The following ZDHHC11B variants were observed in gnomAD, a reference collection of about 807,000 sequenced individuals.
ZDHHC11B encodes the protein probable palmitoyltransferase ZDHHC11B.
Under a neutral mutation model 42.3 loss-of-function variants are expected in ZDHHC11B, and 17 were observed. The observed-to-expected ratio is 0.40, with a 90% confidence interval of 0.27 to 0.60. The LOEUF (loss-of-function observed/expected upper bound fraction) is 0.60, where lower values mean the gene tolerates loss of function less well. Among genes scored for constraint, ZDHHC11B ranks in the 20% least tolerant of loss-of-function variants. The pLI is 0.41. For missense variants in ZDHHC11B, 262 were observed against 463.2 expected (o/e 0.57, Z 3.99); for synonymous variants, 123 against 193.5 (o/e 0.64, Z 3.02).
At position 719,586 on chromosome 5, in the gene ZDHHC11B, G is replaced by C. The variant is rs532490356; in HGVS notation, c.1059-2721C>G. 2.5e-4 allele frequency among the ~76,000 whole-genome samples: 37 copies of C among 150,452 alleles called. 1 individual carries two copies. Among genetic ancestry groups the C allele is most frequent in the African/African-American group, 8.3e-4 (34 of 40,746 alleles). ...TCTGAGCAAGCAGAAGAAAGGATCA[G>C]CTAACTTGAAGACAACCGAAATTAT... On this transcript the variant is annotated intron_variant, in intron 12 of 13. Coordinates refer to ENST00000508859, the MANE Select transcript of ZDHHC11B (RefSeq NM_001351303.2).
rs188545782 is a variant in ZDHHC11B at position 764,674 on chromosome 5, T to C, written c.222+2024A>G. On this transcript the variant is annotated intron_variant, in intron 4 of 13. Transcript: ENST00000508859. ...CATGGGCTCCTGCGCAGCCCGAGCC[T>C]CCCCAGTGAGCACCGTCCCCTGCTC... Among the ~76,000 whole-genome samples the C allele has an allele frequency of 4.1e-4, 63 of 151,894 alleles. 2 individuals are homozygous for C. In the East Asian group the frequency reaches 0.011, roughly 27 times the overall value.
chr5:742,489 A>ATT (rs1459357303), intron 9 of ZDHHC11B, among the ~76,000 whole-genome samples: 1 of 39,686 alleles, frequency 2.5e-5, no homozygotes. Flanking sequence ...CTTCACAGAA[A>ATT]CTGTTTTTTC....
rs1360875506 is a variant in ZDHHC11B, at chr5:767,486, G to C, written c.-95C>G. ...AAGTCGCCAAATGCTGAATTATTCT[G>C]CATCGAAAGCGCAGTAGTGGCACTG... On this transcript the variant is annotated 5_prime_UTR_variant, in exon 3 of 14. Transcript: ENST00000508859. The C allele has an allele frequency of 6.6e-7, 1 of 1,524,790 alleles. No individual in the cohort carries two copies. The highest frequency in any genetic ancestry group is 9.0e-7 in the Non-Finnish European group (1 of 1,110,048). 94.5% of individuals were successfully genotyped at this position (1,524,790 alleles called of 1,614,324 possible). A position where few individuals can be genotyped will look rare whatever the true frequency, so the allele number is the denominator to read the frequency against.
intron 12 of ZDHHC11B, among the ~76,000 whole-genome samples, chr5:729,570 C>T (rs1742857852): frequency 6.6e-6 from 1 of 150,724 alleles, no homozygotes; most frequent in Non-Finnish European, 1.5e-5. Context: ...GTGCACATGC[C>T]TGTGTCTGTG....
In ZDHHC11B at chr5:727,227, C is replaced by T. The variant is rs779178183; in HGVS notation, c.1058+3207G>A. ...TGGAACTCTGGCGCTGCCCCCAGCA[C>T]GTTTCCGTGAAGGACGGAGCTTCTG... On this transcript the variant is annotated intron_variant, in intron 12 of 13. Transcript: ENST00000508859. Among the ~76,000 whole-genome samples the T allele has an allele frequency of 7.8e-3, 1,029 of 132,150 alleles. 43 individuals are homozygous for T. The highest frequency in any genetic ancestry group is 0.019 in the South Asian group (68 of 3,650). 86.7% of individuals were successfully genotyped at this position (132,150 alleles called of 152,430 possible).
intron 8 of ZDHHC11B, chr5:747,387 T>G (rs548596998): frequency 4.1e-5 from 6 of 146,704 alleles, no homozygotes; most frequent in African/African-American, 1.5e-4. Context: ...CCAGTGATTT[T>G]CATTGCACTT....
Position 758,826 on chromosome 5 carries a change from G to A in ZDHHC11B, c.223-2682C>T, listed in dbSNP as rs535250496. Among the ~76,000 whole-genome samples, 22 of 152,036 alleles carry A rather than the reference G, an allele frequency of 1.4e-4. 1 individual carries two copies. The South Asian group carries it at 3.1e-3, about 22-fold the overall frequency. On this transcript the variant is annotated intron_variant, in intron 4 of 13. Coordinates refer to ENST00000508859, the MANE Select transcript of ZDHHC11B (RefSeq NM_001351303.2). ...GGCCGCACTTTGGCCAGCGAGGTCC[G>A]CGCTCTGCGGGTGGGCTTGGGTCGT...
chr5:726,039 C>T (rs1212361095), intron 12 of ZDHHC11B, among the ~76,000 whole-genome samples: 1 of 141,010 alleles, frequency 7.1e-6, no homozygotes, highest in East Asian at 2.2e-4. Context: ...TTCATTCCAG[C>T]TGGTCAGCTA....
At chr5:767,234 G>A in intron 3 of ZDHHC11B, 158 bp downstream of exon 3, 2 of 953,458 alleles carry the variant, frequency 2.1e-6, no homozygotes, top group Non-Finnish European at 3.1e-6. Context: ...TGGCAGACCT[G>A]GGTGGATGAC....
intron 1 of ZDHHC11B, among the ~76,000 whole-genome samples, chr5:774,663 C>T (rs1406812198): frequency 6.7e-6 from 1 of 150,002 alleles, no homozygotes; most frequent in African/African-American, 2.5e-5. Context: ...GGGGTCTGCC[C>T]CTTGGGCCTG....
intron 6 of ZDHHC11B, among the ~76,000 whole-genome samples, chr5:752,854 C>G (rs2127104285): frequency 8.4e-6 from 1 of 118,730 alleles, no homozygotes; most frequent in African/African-American, 2.6e-5. Flanking sequence ...AGTAAAGACC[C>G]CTCATCCTCA....
At chr5:758,495 C>T (rs1236838169) in intron 4 of ZDHHC11B, among the ~76,000 whole-genome samples, 8 of 151,952 alleles carry the variant, frequency 5.3e-5, no homozygotes, top group Middle Eastern at 3.4e-3. Flanking sequence ...TGGCCCTAAC[C>T]GGGACCCATT....
At chr5:737,944 C>G (rs1210499574) in intron 10 of ZDHHC11B, among the ~76,000 whole-genome samples, 1 of 130,464 alleles carries the variant, frequency 7.7e-6, no homozygotes, top group East Asian at 2.6e-4. Context: ...ACTGGAAGAT[C>G]TAGCCAGAGC....
intron 4 of ZDHHC11B, among the ~76,000 whole-genome samples, chr5:760,247 G>C (rs567376243): frequency 3.4e-4 from 52 of 151,854 alleles, no homozygotes; most frequent in African/African-American, 1.2e-3. Context: ...GCCCTAACCC[G>C]CAGCACCCGT....
At chr5:772,369 CAG>C (rs1459832556) in intron 1 of ZDHHC11B, among the ~76,000 whole-genome samples, 1 of 145,812 alleles carries the variant, frequency 6.9e-6, no homozygotes, top group African/African-American at 2.4e-5. Context: ...CAGAAAGGAA[CAG>C]GGGTCAGACC....
intron 9 of ZDHHC11B, among the ~76,000 whole-genome samples, chr5:744,896 A>G (rs1217633997): frequency 6.7e-6 from 1 of 148,658 alleles, no homozygotes; most frequent in Non-Finnish European, 1.5e-5. Flanking sequence ...TGCAAAAAGC[A>G]CATTTCAACT....
chr5:717,452 C>T (rs1741839525), intron 12 of ZDHHC11B, among the ~76,000 whole-genome samples: 1 of 151,620 alleles, frequency 6.6e-6, no homozygotes, highest in Non-Finnish European at 1.5e-5. Flanking sequence ...AGTTGCAACG[C>T]TGAATGTGTC....
chr5:731,035 A>G (rs2127002901), intron 11 of ZDHHC11B, among the ~76,000 whole-genome samples: 1 of 152,034 alleles, frequency 6.6e-6, no homozygotes, highest in Non-Finnish European at 1.5e-5. Context: ...AAAGAAAAAC[A>G]CCTGCTATGT....
At chr5:763,155 G>A (rs1734837758) in intron 4 of ZDHHC11B, among the ~76,000 whole-genome samples, 2 of 151,828 alleles carry the variant, frequency 1.3e-5, no homozygotes, top group African/African-American at 2.4e-5. Flanking sequence ...GGATCACAAG[G>A]TCAGGAGTTC....
Sources: gnomAD v4.1 joint callset for allele counts (sites outside exome capture counted in the v4.1 genomes callset) on GRCh38, gnomAD v4.1.1 for gene constraint, MANE v1.5 for transcripts, NCBI Gene and HGNC (gene_info 2026-07-23, HGNC 2026-07-21) for gene names.